Variants in SDK1 observed in about 807,000 individuals in gnomAD.
The protein encoded by SDK1 is protein sidekick-1.
Under a neutral mutation model 245.5 loss-of-function variants are expected in SDK1, and 157 were observed. That is an observed-to-expected ratio of 0.64 (90% CI 0.56 to 0.73). The LOEUF (loss-of-function observed/expected upper bound fraction) is 0.73. Ranked by LOEUF, SDK1 falls within the 30% of genes least tolerant of loss-of-function variation. The probability of loss-of-function intolerance (pLI) is 0.00; values close to 1 mark genes in which losing one functional copy is unlikely to be tolerated. For missense variants in SDK1, 3,583 were observed against 3,002.3 expected (o/e 1.19, Z -4.52); for synonymous variants, 1,647 against 1,278.5 (o/e 1.29, Z -6.15).
chr7:3,904,577 C>G (rs1249104618), intron 5 of SDK1, among the ~76,000 whole-genome samples: 1 of 152,092 alleles, frequency 6.6e-6, no homozygotes, highest in East Asian at 1.9e-4. Flanking sequence ...CACTTGTAGT[C>G]ACAGCTACTC....
At chr7:3,510,014 G>C (rs1261410510) in intron 1 of SDK1, among the ~76,000 whole-genome samples, 1 of 152,186 alleles carries the variant, frequency 6.6e-6, no homozygotes, top group Non-Finnish European at 1.5e-5. Flanking sequence ...AGCTCCCCAG[G>C]TAGTTCAGAT....
chr7:3,631,055 C>T (rs901714678), intron 2 of SDK1, among the ~76,000 whole-genome samples: 9 of 152,106 alleles, frequency 5.9e-5, no homozygotes, highest in Non-Finnish European at 1.3e-4. Context: ...ATCTCAGCCT[C>T]CCAAGTAGCT....
intron 2 of SDK1, among the ~76,000 whole-genome samples, chr7:3,627,279 T>G (rs923615443): frequency 1.3e-5 from 2 of 152,166 alleles, no homozygotes; most frequent in Admixed American, 6.5e-5. Flanking sequence ...GTGTGGCTAC[T>G]TCCAGGTGAT....
At chr7:3,967,990 G>C (rs577287255) in intron 10 of SDK1, among the ~76,000 whole-genome samples, 1 of 152,210 alleles carries the variant, frequency 6.6e-6, no homozygotes, top group African/African-American at 2.4e-5. Context: ...AAAAGAGAAG[G>C]ATTGTGCAAA....
chr7:4,202,827 G>T (rs1783969339), intron 35 of SDK1, among the ~76,000 whole-genome samples: 1 of 152,166 alleles, frequency 6.6e-6, no homozygotes, highest in Admixed American at 6.5e-5. Flanking sequence ...TGCAGCAGAG[G>T]TTCCTAAACC....
intron 1 of SDK1, among the ~76,000 whole-genome samples, chr7:3,312,822 A>T (rs919976976): frequency 6.6e-6 from 1 of 152,122 alleles, no homozygotes; most frequent in Non-Finnish European, 1.5e-5. Flanking sequence ...CACTATTAGA[A>T]GATAGAATGG....
chr7:3,458,327 A>G (rs912615033), intron 1 of SDK1, among the ~76,000 whole-genome samples: 3 of 152,104 alleles, frequency 2.0e-5, no homozygotes, highest in African/African-American at 7.2e-5. Context: ...TATAAGCTCT[A>G]AAAGTAGAGG....
At chr7:3,408,364 G>T (rs1779106989) in intron 1 of SDK1, among the ~76,000 whole-genome samples, 1 of 151,972 alleles carries the variant, frequency 6.6e-6, no homozygotes, top group South Asian at 2.1e-4. Context: ...TTTAATTTTG[G>T]CTCTAATAAA....
chr7:3,999,407 G>A (rs973195118), intron 14 of SDK1, among the ~76,000 whole-genome samples: 132 of 152,346 alleles, frequency 8.7e-4, no homozygotes, highest in African/African-American at 2.9e-3. Flanking sequence ...ACGAGGGGGC[G>A]TCGGGTAGTA....
At chr7:3,830,857 C>G (rs567304091) in intron 5 of SDK1, among the ~76,000 whole-genome samples, 13 of 152,244 alleles carry the variant, frequency 8.5e-5, no homozygotes, top group African/African-American at 3.1e-4. Context: ...CAGCGAATGC[C>G]TGATTTCAGT....
At chr7:3,331,134 T>C (rs956796558) in intron 1 of SDK1, among the ~76,000 whole-genome samples, 5 of 151,860 alleles carry the variant, frequency 3.3e-5, no homozygotes, top group African/African-American at 1.2e-4. Context: ...TGTGGTGGTG[T>C]GCGCCTGTAA....
At chr7:3,733,437 G>A (rs1395765321) in intron 4 of SDK1, among the ~76,000 whole-genome samples, 2 of 152,182 alleles carry the variant, frequency 1.3e-5, no homozygotes, top group African/African-American at 4.8e-5. Flanking sequence ...TAAGAATGCT[G>A]TCTTTGCTTT....
intron 22 of SDK1, among the ~76,000 whole-genome samples, chr7:4,088,691 G>T (rs903343826): frequency 2.6e-5 from 4 of 152,198 alleles, no homozygotes; most frequent in African/African-American, 9.6e-5. Flanking sequence ...CTATTCCGGA[G>T]CTCCTGAGAC....
At chr7:4,023,918 C>G (rs1787130225) in intron 17 of SDK1, among the ~76,000 whole-genome samples, 1 of 152,240 alleles carries the variant, frequency 6.6e-6, no homozygotes, top group African/African-American at 2.4e-5. Context: ...TGTCCTAAAA[C>G]AAGCCTGTAT....
At chr7:3,496,859 C>T (rs538141484) in intron 1 of SDK1, among the ~76,000 whole-genome samples, 3 of 152,264 alleles carry the variant, frequency 2.0e-5, no homozygotes, top group African/African-American at 7.2e-5. Flanking sequence ...ATCCTTTCCC[C>T]CCACCACAGT....
chr7:3,922,822 G>A (rs140395640), intron 5 of SDK1, among the ~76,000 whole-genome samples: 5 of 152,258 alleles, frequency 3.3e-5, no homozygotes, highest in East Asian at 1.9e-4. Context: ...GTTTTTCCAC[G>A]TTGTTAATTT....
At chr7:3,575,663 C>T (rs975185099) in intron 1 of SDK1, among the ~76,000 whole-genome samples, 1 of 151,784 alleles carries the variant, frequency 6.6e-6, no homozygotes, top group Non-Finnish European at 1.5e-5. Context: ...TTCATAAAGG[C>T]AATAGATGTG....
intron 4 of SDK1, among the ~76,000 whole-genome samples, chr7:3,696,214 C>G (rs187596827): frequency 1.4e-4 from 22 of 152,230 alleles, no homozygotes; most frequent in Admixed American, 3.9e-4. Context: ...GTGAGACTCC[C>G]CTAAGCTCCC....
chr7:3,893,295 C>G (rs938540764), intron 5 of SDK1, among the ~76,000 whole-genome samples: 3 of 152,084 alleles, frequency 2.0e-5, no homozygotes, highest in African/African-American at 7.2e-5. Flanking sequence ...GGTCATCCCA[C>G]CTGGGTCTGA....
Sources: allele counts gnomAD v4.1 joint callset (sites outside exome capture counted in the v4.1 genomes callset), GRCh38; gene constraint gnomAD v4.1.1; transcripts MANE v1.5; gene names NCBI Gene and HGNC (gene_info 2026-07-23, HGNC 2026-07-21).